Variants in PPP1R1C observed in about 807,000 individuals in gnomAD.
The protein encoded by PPP1R1C is protein phosphatase 1 regulatory subunit 1C.
Under a neutral mutation model 17.4 loss-of-function variants are expected in PPP1R1C, and 15 were observed. The observed-to-expected ratio is 0.86, with a 90% CI of 0.58 to 1.33. The LOEUF (loss-of-function observed/expected upper bound fraction) is 1.33. PPP1R1C is among the 40% of genes most tolerant of loss of function. PPP1R1C has a pLI of 0.00. For missense variants in PPP1R1C, 143 were observed against 130.0 expected (o/e 1.10, Z -0.48); for synonymous variants, 35 against 43.1 (o/e 0.81, Z 0.73).
intron 4 of PPP1R1C, among the ~76,000 whole-genome samples, chr2:182,076,542 G>A (rs1688318682): frequency 6.6e-6 from 1 of 150,638 alleles, no homozygotes; most frequent in South Asian, 2.1e-4. Flanking sequence ...CATTGGATCT[G>A]TGATTTCATA....
upstream of PPP1R1C, among the ~76,000 whole-genome samples, chr2:181,984,722 A>G (rs1477377960): frequency 6.6e-6 from 1 of 152,244 alleles, no homozygotes; most frequent in African/African-American, 2.4e-5. Context: ...TTTAAAAAAT[A>G]AAAACTTCAA....
At chr2:181,985,784 T>C (rs1013721154), upstream of PPP1R1C, 2 of 353,146 alleles carry the variant, frequency 5.7e-6, no homozygotes, top group African/African-American at 2.0e-5. This position sits in a 1 kb window ranked among gnomAD's most constrained non-coding sequence, Gnocchi z 4.1. Flanking sequence ...AAGGCTAGCA[T>C]TGCATTTTCA....
intron 2 of PPP1R1C, among the ~76,000 whole-genome samples, chr2:181,991,868 A>G (rs1040482761): frequency 1.3e-5 from 2 of 152,044 alleles, no homozygotes; most frequent in East Asian, 1.9e-4. Context: ...TTTGGTTCCT[A>G]TATATTTTTT....
At chr2:181,988,627 A>G (rs1427854342) in intron 2 of PPP1R1C, among the ~76,000 whole-genome samples, 1 of 152,228 alleles carries the variant, frequency 6.6e-6, no homozygotes, top group Non-Finnish European at 1.5e-5. Flanking sequence ...ATTTGCAACC[A>G]GGCAGAACTT....
chr2:182,090,995 T>C (rs1688764210), intron 4 of PPP1R1C, among the ~76,000 whole-genome samples: 1 of 152,210 alleles, frequency 6.6e-6, no homozygotes, highest in Non-Finnish European at 1.5e-5. Flanking sequence ...ATCAAAACTG[T>C]TAACCAAGAC....
chr2:182,020,860 A>G (rs1330194394), intron 2 of PPP1R1C, among the ~76,000 whole-genome samples: 1 of 152,148 alleles, frequency 6.6e-6, no homozygotes, highest in African/African-American at 2.4e-5. Flanking sequence ...TTGGATTCTC[A>G]TTAGTCACTG....
chr2:182,098,633 G>GAA (rs527628081), intron 4 of PPP1R1C, among the ~76,000 whole-genome samples: 1 of 151,554 alleles, frequency 6.6e-6, no homozygotes, highest in Admixed American at 6.6e-5. Flanking sequence ...ATATTTTCTA[G>GAA]AAAAAAAATC....
At chr2:182,071,114 C>T (rs770651547) in intron 4 of PPP1R1C, among the ~76,000 whole-genome samples, 10 of 152,048 alleles carry the variant, frequency 6.6e-5, no homozygotes, top group Non-Finnish European at 1.0e-4. Context: ...AATATGTATA[C>T]GTTGTTATTA....
intron 2 of PPP1R1C, among the ~76,000 whole-genome samples, chr2:181,997,445 T>C (rs1685647627): frequency 6.6e-6 from 1 of 151,304 alleles, no homozygotes; most frequent in African/African-American, 2.4e-5. Flanking sequence ...CTTTGAAAAT[T>C]CAGGTTTTAA....
At chr2:182,037,175 A>G (rs1050083129) in intron 2 of PPP1R1C, among the ~76,000 whole-genome samples, 1 of 152,224 alleles carries the variant, frequency 6.6e-6, no homozygotes, top group African/African-American at 2.4e-5. Context: ...AAACAAAAAC[A>G]AACAAAAAAG....
chr2:182,079,848 G>A (rs1444654250), intron 4 of PPP1R1C, among the ~76,000 whole-genome samples: 2 of 152,056 alleles, frequency 1.3e-5, no homozygotes, highest in East Asian at 1.9e-4. Flanking sequence ...AGTGGAACTC[G>A]TTTCTGTCTC....
At chr2:182,055,689 G>A (rs181816215) in intron 2 of PPP1R1C, among the ~76,000 whole-genome samples, 40 of 152,240 alleles carry the variant, frequency 2.6e-4, no homozygotes, top group Non-Finnish European at 4.3e-4. Context: ...CTTGAAGACC[G>A]TTGTGCTGCT....
intron 2 of PPP1R1C, among the ~76,000 whole-genome samples, chr2:182,058,851 A>G (rs990218520): frequency 6.6e-6 from 1 of 151,890 alleles, no homozygotes; most frequent in East Asian, 1.9e-4. Flanking sequence ...TATAGTTCTC[A>G]TTCTATTATA....
intron 1 of PPP1R1C, among the ~76,000 whole-genome samples, chr2:181,968,143 G>T (rs886310743): frequency 6.6e-6 from 1 of 152,214 alleles, no homozygotes; most frequent in Non-Finnish European, 1.5e-5. Context: ...AATGATTCAG[G>T]TGCTGAGGAG....
At chr2:181,994,507 TA>T (rs1315767518) in intron 2 of PPP1R1C, among the ~76,000 whole-genome samples, 1 of 152,198 alleles carries the variant, frequency 6.6e-6, no homozygotes, top group Non-Finnish European at 1.5e-5. Context: ...CTCATTTGCA[TA>T]AATCAGTCTC....
intron 1 of PPP1R1C, among the ~76,000 whole-genome samples, chr2:181,960,325 GC>G (rs1684748356): frequency 1.3e-5 from 2 of 152,294 alleles, no homozygotes; most frequent in African/African-American, 4.8e-5. Context: ...GCCTGCCTCT[GC>G]TCATTTTAGG....
At position 182,030,177 on chromosome 2, in the gene PPP1R1C, G is replaced by A. The variant is rs940314339; in HGVS notation, c.143-31265G>A. On this transcript the variant is annotated intron_variant, in intron 2 of 4. Transcript: ENST00000682840. ...GTTTGAATGTCCTCCCATAGCTCAG[G>A]GTAATTTGATCGTCTGAAGCCTTCT... Among the ~76,000 whole-genome samples the A allele has an allele frequency of 2.8e-4, 43 of 151,546 alleles. 1 individual carries two copies. The East Asian group carries it at 4.5e-3, about 16-fold the overall frequency.
chr2:181,971,228 G>A (rs914897617), intron 1 of PPP1R1C, among the ~76,000 whole-genome samples: 24 of 152,126 alleles, frequency 1.6e-4, no homozygotes, highest in Non-Finnish European at 3.1e-4. Flanking sequence ...GGCCCACAGC[G>A]AGTACTGCCT....
chr2:182,025,975 T>C (rs1198351985), intron 2 of PPP1R1C, among the ~76,000 whole-genome samples: 4 of 142,328 alleles, frequency 2.8e-5, no homozygotes, highest in Non-Finnish European at 4.6e-5. Context: ...ATGAGCATTT[T>C]TTCATGTGTT....
Sources: allele counts gnomAD v4.1 joint callset (sites outside exome capture counted in the v4.1 genomes callset), GRCh38; gene constraint gnomAD v4.1.1; non-coding constraint Gnocchi (gnomAD v3.1); transcripts MANE v1.5; gene names NCBI Gene and HGNC (gene_info 2026-07-23, HGNC 2026-07-21).